Variants in SNX29 observed in about 807,000 individuals in gnomAD.
SNX29 encodes sorting nexin 29.
SNX29 carries 78 observed loss-of-function variants against 102.1 expected under a neutral mutation model. The observed-to-expected ratio is 0.76, with a 90% CI of 0.64 to 0.92. The LOEUF (loss-of-function observed/expected upper bound fraction) is 0.92. Ranked by LOEUF, SNX29 falls within the 40% of genes least tolerant of loss-of-function variation. The probability of loss-of-function intolerance (pLI) is 0.00; values close to 1 mark genes in which losing one functional copy is unlikely to be tolerated. For synonymous variants in SNX29, 580 were observed against 414.5 expected (o/e 1.40, Z -4.85); for missense variants, 1,280 against 1,061.7 (o/e 1.21, Z -2.86).
intron 13 of SNX29, among the ~76,000 whole-genome samples, chr16:12,144,683 G>A (rs1022432597): frequency 3.3e-5 from 5 of 152,208 alleles, no homozygotes; most frequent in African/African-American, 1.2e-4. Context: ...TCAGGTATTC[G>A]GTTATAGCAG....
intron 11 of SNX29, chr16:12,089,787 G>A: frequency 2.9e-6 from 1 of 345,546 alleles, no homozygotes; most frequent in South Asian, 2.3e-5. Context: ...GCGAAGAGCA[G>A]GCTCTGAAGC....
chr16:12,280,018 G>C (rs1233855558), intron 15 of SNX29, among the ~76,000 whole-genome samples: 1 of 152,220 alleles, frequency 6.6e-6, no homozygotes, highest in African/African-American at 2.4e-5. Flanking sequence ...CCACCTGTGG[G>C]GCTGCTGGGC....
intron 3 of SNX29, among the ~76,000 whole-genome samples, chr16:12,026,347 A>G (rs1408817802): frequency 6.6e-6 from 1 of 152,234 alleles, no homozygotes; most frequent in African/African-American, 2.4e-5. Flanking sequence ...TCCCTTTGCT[A>G]GAAACATGCA....
chr16:12,570,786 T>TC lies in SNX29; in HGVS notation c.*2162dup, dbSNP rs1368331254. The TC allele has an allele frequency of 2.4e-5, 5 of 209,144 alleles. No homozygotes were observed. Among genetic ancestry groups the TC allele is most frequent in the East Asian group, 1.3e-4 (2 of 15,646 alleles). 13.0% of individuals were successfully genotyped at this position (209,144 alleles called of 1,614,324 possible). A position where few individuals can be genotyped will look rare whatever the true frequency, so the allele number is the denominator to read the frequency against. On this transcript the variant is annotated 3_prime_UTR_variant, in exon 21 of 21. Coordinates refer to ENST00000566228, the MANE Select transcript of SNX29 (RefSeq NM_032167.5). ...TCTGCACATGATAATAATGCAACAG[T>TC]CCCCCATTGCTGAGAGATACTAACC...
Position 12,056,666 on chromosome 16 carries a change from GTCATTAACCCAT to G in SNX29, c.1124+4447_1124+4458del, listed in dbSNP as rs369266374. Among the ~76,000 whole-genome samples, 42 of 152,236 alleles carry G rather than the reference GTCATTAACCCAT, an allele frequency of 2.8e-4. No homozygotes were observed. In the East Asian group the frequency reaches 3.1e-3, roughly 11 times the overall value. On this transcript the variant is annotated intron_variant, in intron 8 of 20. Transcript: ENST00000566228. ...GTTAGGCTTACTCATTGGTTTACTG[GTCATTAACCCAT>G]TCTTTGATGTCTGAAGAAGTCTTGT... is the stretch of plus-strand genomic sequence containing the variant.
At chr16:12,008,044 C>G (rs553912058) in intron 3 of SNX29, among the ~76,000 whole-genome samples, 1 of 151,872 alleles carries the variant, frequency 6.6e-6, no homozygotes, top group Non-Finnish European at 1.5e-5. Context: ...CCCAGGTTCA[C>G]GCTGTTCTCC....
intron 16 of SNX29, among the ~76,000 whole-genome samples, chr16:12,388,404 T>C (rs932441760): frequency 1.2e-4 from 19 of 152,226 alleles, no homozygotes; most frequent in African/African-American, 4.1e-4. Flanking sequence ...AGGGGCCTCT[T>C]TTGATTCTCA....
At chr16:12,176,893 G>A (rs1470224962) in intron 13 of SNX29, among the ~76,000 whole-genome samples, 1 of 152,128 alleles carries the variant, frequency 6.6e-6, no homozygotes, top group African/African-American at 2.4e-5. Flanking sequence ...AGGCAGTGTG[G>A]TGTGGGGGAA....
At chr16:12,499,216 C>T (rs2088985341) in intron 19 of SNX29, among the ~76,000 whole-genome samples, 1 of 152,202 alleles carries the variant, frequency 6.6e-6, no homozygotes, top group South Asian at 2.1e-4. Flanking sequence ...GCATTTCCCT[C>T]AGCAGTACTG....
chr16:12,009,458 T>A (rs1172601354), intron 3 of SNX29, among the ~76,000 whole-genome samples: 1 of 116,588 alleles, frequency 8.6e-6, no homozygotes, highest in Non-Finnish European at 2.0e-5. Flanking sequence ...TGTGTGTATA[T>A]ATGTGTGTGT....
At chr16:12,288,565 G>C (rs1354860740) in intron 15 of SNX29, among the ~76,000 whole-genome samples, 1 of 151,494 alleles carries the variant, frequency 6.6e-6, no homozygotes, top group Non-Finnish European at 1.5e-5. Context: ...TTCTTTCCTG[G>C]ACAAAGCCAA....
rs2079108877 is a variant in SNX29 at position 12,272,153 on chromosome 16, AG to A, written c.1679-5779del. Among the ~76,000 whole-genome samples, 3 of 152,296 alleles carry A rather than the reference AG, an allele frequency of 2.0e-5. No individual in the cohort carries two copies. In the South Asian group the frequency reaches 6.2e-4, roughly 32 times the overall value. The stretch of plus-strand genomic sequence containing the variant: ...TTTCCCCAAGCCTTTAAGGTCAAAA[AG>A]CTTATTTCTGCACCTCTGCCCCCAC... On this transcript the variant is annotated intron_variant, in intron 14 of 20. Transcript: ENST00000566228.
At chr16:12,493,805 T>A (rs2088672071) in intron 19 of SNX29, among the ~76,000 whole-genome samples, 1 of 152,208 alleles carries the variant, frequency 6.6e-6, no homozygotes, top group South Asian at 2.1e-4. Context: ...TTGGCCAGAC[T>A]GGTTGCAAAC....
chr16:12,212,188 T>TAAA (rs2077203989), intron 14 of SNX29, among the ~76,000 whole-genome samples: 4 of 152,162 alleles, frequency 2.6e-5, no homozygotes, highest in African/African-American at 9.7e-5. Context: ...TACCATGTAC[T>TAAA]TTGTCCTGAG....
At chr16:12,509,985 T>G (rs962981730) in intron 19 of SNX29, among the ~76,000 whole-genome samples, 2 of 152,268 alleles carry the variant, frequency 1.3e-5, no homozygotes, top group Non-Finnish European at 2.9e-5. Context: ...ATTTTTCATT[T>G]ACTTCATGGC....
At chr16:12,247,459 T>A (rs760072287) in intron 14 of SNX29, among the ~76,000 whole-genome samples, 1 of 152,164 alleles carries the variant, frequency 6.6e-6, no homozygotes, top group East Asian at 1.9e-4. Flanking sequence ...ATAAATACCT[T>A]CCGACTTACA....
intron 13 of SNX29, among the ~76,000 whole-genome samples, chr16:12,162,183 C>T (rs560416412): frequency 1.4e-3 from 213 of 152,294 alleles, no homozygotes; most frequent in African/African-American, 4.4e-3. Context: ...ACTCTTCCCT[C>T]AGATCTCAGC....
intron 20 of SNX29, among the ~76,000 whole-genome samples, chr16:12,543,369 T>C (rs567169554): frequency 2.0e-5 from 3 of 152,160 alleles, no homozygotes; most frequent in Non-Finnish European, 2.9e-5. Context: ...CCTAAGCTCA[T>C]GGACTGAACA....
At chr16:12,212,265 G>A (rs143782031) in intron 14 of SNX29, among the ~76,000 whole-genome samples, 2 of 152,178 alleles carry the variant, frequency 1.3e-5, no homozygotes, top group African/African-American at 2.4e-5. Context: ...TGAGTCACAT[G>A]GGGAGCCAGG....
Sources: gnomAD v4.1 joint callset for allele counts (sites outside exome capture counted in the v4.1 genomes callset) on GRCh38, gnomAD v4.1.1 for gene constraint, MANE v1.5 for transcripts, NCBI Gene and HGNC (gene_info 2026-07-23, HGNC 2026-07-21) for gene names.